The following LRP1B variants were observed in gnomAD, a reference collection of about 807,000 sequenced individuals.
LRP1B encodes LDL receptor related protein 1B.
Under a neutral mutation model 556.6 loss-of-function variants are expected in LRP1B, and 217 were observed. The observed-to-expected ratio is 0.39, with a 90% CI of 0.35 to 0.44. The LOEUF is 0.44. LRP1B is among the 20% of genes least tolerant of loss of function. The pLI, the probability that LRP1B is intolerant of heterozygous loss-of-function variation, is 1.00. For missense variants in LRP1B, 5,053 were observed against 5,620.8 expected, an observed-to-expected ratio of 0.90 and a Z score of 3.23; for synonymous variants, 2,047 against 1,865.8, an observed-to-expected ratio of 1.10 and a Z score of -2.50.
chr2:140,423,750 A>C (rs1360991887), intron 66 of LRP1B, among the ~76,000 whole-genome samples: 1 of 152,142 alleles, frequency 6.6e-6, no homozygotes, highest in Non-Finnish European at 1.5e-5. Context: ...TTCCCAAAAA[A>C]TATTCCTAGT....
At chr2:141,890,613 T>A (rs1223061615) in intron 1 of LRP1B, among the ~76,000 whole-genome samples, 1 of 151,864 alleles carries the variant, frequency 6.6e-6, no homozygotes, top group African/African-American at 2.4e-5. Flanking sequence ...AATATACACA[T>A]AAGAACACCA....
intron 3 of LRP1B, among the ~76,000 whole-genome samples, chr2:141,387,442 A>G (rs760198821): frequency 6.6e-6 from 1 of 152,098 alleles, no homozygotes; most frequent in African/African-American, 2.4e-5. Context: ...AACAAGGGGA[A>G]AAAAAGAGAA....
intron 1 of LRP1B, among the ~76,000 whole-genome samples, chr2:142,022,778 C>T (rs539251021): frequency 6.6e-6 from 1 of 152,226 alleles, no homozygotes; most frequent in Non-Finnish European, 1.5e-5. Flanking sequence ...TCAAGCGATT[C>T]TCCTGCCTCA....
chr2:141,467,092 A>ATT (rs1682242047), intron 3 of LRP1B, among the ~76,000 whole-genome samples: 1 of 4,200 alleles, frequency 2.4e-4, no homozygotes, highest in Non-Finnish European at 2.2e-3. Context: ...ACACACACAC[A>ATT]TATATATGTG....
At chr2:140,377,514 T>C (rs1162482689) in intron 68 of LRP1B, among the ~76,000 whole-genome samples, 1 of 152,158 alleles carries the variant, frequency 6.6e-6, no homozygotes, top group East Asian at 1.9e-4. Context: ...ATATATATAA[T>C]CATGTGTTGT....
intron 14 of LRP1B, among the ~76,000 whole-genome samples, chr2:141,006,259 C>T (rs1353148586): frequency 6.6e-6 from 1 of 152,010 alleles, no homozygotes; most frequent in African/African-American, 2.4e-5. Context: ...TATCCATAAT[C>T]TCAAACATTT....
intron 46 of LRP1B, among the ~76,000 whole-genome samples, chr2:140,535,859 T>C (rs535238842): frequency 3.9e-5 from 6 of 152,256 alleles, no homozygotes; most frequent in Admixed American, 2.6e-4. Flanking sequence ...AAGAGAAGCA[T>C]AGCTGGTGCA....
chr2:140,973,612 A>G (rs886703774), intron 18 of LRP1B, among the ~76,000 whole-genome samples: 1 of 152,194 alleles, frequency 6.6e-6, no homozygotes, highest in African/African-American at 2.4e-5. Flanking sequence ...TCAACATGTC[A>G]GTTACATGAT....
intron 66 of LRP1B, among the ~76,000 whole-genome samples, chr2:140,413,114 T>C (rs570492231): frequency 3.1e-4 from 47 of 152,250 alleles, no homozygotes; most frequent in Middle Eastern, 3.4e-3. Context: ...GTAGTAGATA[T>C]AATAGTAGTA....
At chr2:141,003,807 C>A (rs1452416947) in intron 15 of LRP1B, among the ~76,000 whole-genome samples, 1 of 151,994 alleles carries the variant, frequency 6.6e-6, no homozygotes, top group African/African-American at 2.4e-5. Flanking sequence ...TAATACAAAT[C>A]ACAAACTGTA....
At chr2:140,985,021 T>C (rs555760638) in intron 17 of LRP1B, among the ~76,000 whole-genome samples, 3 of 152,214 alleles carry the variant, frequency 2.0e-5, no homozygotes, top group African/African-American at 7.2e-5. Flanking sequence ...GAGGCAAGAT[T>C]AGCAGAGCAG....
At chr2:141,743,235 C>T (rs1436550819) in intron 2 of LRP1B, among the ~76,000 whole-genome samples, 4 of 151,802 alleles carry the variant, frequency 2.6e-5, no homozygotes, top group African/African-American at 7.3e-5. Flanking sequence ...ATTATCACAC[C>T]GATTAATTTA....
intron 6 of LRP1B, among the ~76,000 whole-genome samples, chr2:141,228,018 C>T (rs868277033): frequency 1.8e-4 from 28 of 152,220 alleles, no homozygotes; most frequent in Middle Eastern, 3.4e-3. Context: ...CCTCCACCTC[C>T]TGGGTTCAAG....
At chr2:141,993,054 A>T (rs2105119074) in intron 1 of LRP1B, among the ~76,000 whole-genome samples, 1 of 152,240 alleles carries the variant, frequency 6.6e-6, no homozygotes, top group South Asian at 2.1e-4. Flanking sequence ...GAGTCATGCC[A>T]GGAAAATAAA....
intron 7 of LRP1B, among the ~76,000 whole-genome samples, chr2:141,137,065 A>T (rs1055540090): frequency 1.3e-5 from 2 of 151,976 alleles, no homozygotes; most frequent in African/African-American, 4.8e-5. Flanking sequence ...ATATCACATA[A>T]GGCCAGTTTT....
intron 3 of LRP1B, among the ~76,000 whole-genome samples, chr2:141,310,188 A>G (rs1686760212): frequency 6.6e-6 from 1 of 152,182 alleles, no homozygotes; most frequent in Non-Finnish European, 1.5e-5. Context: ...TGAGACCTCA[A>G]GAAAGAAAAC....
intron 35 of LRP1B, 114 bp downstream of exon 35, chr2:140,769,099 T>C: frequency 1.0e-6 from 1 of 967,054 alleles, no homozygotes; most frequent in East Asian, 2.7e-5. Context: ...TATTTGCTGC[T>C]TTCTTATTTC....
intron 3 of LRP1B, among the ~76,000 whole-genome samples, chr2:141,393,818 T>C (rs1690142979): frequency 6.6e-6 from 1 of 151,740 alleles, no homozygotes; most frequent in Non-Finnish European, 1.5e-5. Flanking sequence ...AATAGAAAAA[T>C]AGAAAATAAA....
intron 23 of LRP1B, among the ~76,000 whole-genome samples, chr2:140,891,748 T>A (rs907955841): frequency 6.6e-6 from 1 of 152,182 alleles, no homozygotes; most frequent in Non-Finnish European, 1.5e-5. Flanking sequence ...ATCAATAGAA[T>A]GAAGGCCAGG....
Sources: allele counts gnomAD v4.1 joint callset (sites outside exome capture counted in the v4.1 genomes callset), GRCh38; gene constraint gnomAD v4.1.1; transcripts MANE v1.5; gene names NCBI Gene and HGNC (gene_info 2026-07-23, HGNC 2026-07-21).